AGBL4: variants seen among roughly 807,000 people sequenced by gnomAD.
The protein encoded by AGBL4 is cytosolic carboxypeptidase 6.
AGBL4 carries 58 observed loss-of-function variants against 66.4 expected under a neutral mutation model. The ratio of observed to expected loss-of-function variants is 0.87; its 90% CI spans 0.71 to 1.09. AGBL4 has a LOEUF of 1.09. AGBL4 is among the 50% of genes least tolerant of loss of function. AGBL4 has a pLI of 0.00. For synonymous variants in AGBL4, 234 were observed against 222.9 expected, an observed-to-expected ratio of 1.05 and a Z score of -0.44; for missense variants, 579 against 631.0, an observed-to-expected ratio of 0.92 and a Z score of 0.88.
At chr1:49,504,419 T>C (rs1648489097) in intron 3 of AGBL4, among the ~76,000 whole-genome samples, 1 of 152,138 alleles carries the variant, frequency 6.6e-6, no homozygotes, top group Non-Finnish European at 1.5e-5. Flanking sequence ...GTTTTCATAT[T>C]AATTTTTTCT....
At chr1:49,235,250 T>G (rs143640689) in intron 4 of AGBL4, among the ~76,000 whole-genome samples, 56 of 152,324 alleles carry the variant, frequency 3.7e-4, no homozygotes, top group African/African-American at 1.3e-3. Context: ...CTCACTCATG[T>G]TCTGGCCTGT....
intron 6 of AGBL4, among the ~76,000 whole-genome samples, chr1:48,679,425 T>C (rs190429371): frequency 0.013 from 1,966 of 152,284 alleles, 45 homozygotes; most frequent in African/African-American, 0.045. Flanking sequence ...CCTAGGACGA[T>C]GAAGCCTGCT....
intron 6 of AGBL4, among the ~76,000 whole-genome samples, chr1:48,860,496 C>T (rs1647374859): frequency 1.3e-5 from 2 of 152,068 alleles, no homozygotes; most frequent in African/African-American, 2.4e-5. Context: ...TAAAAGTACA[C>T]TACAGGAGAT....
intron 6 of AGBL4, among the ~76,000 whole-genome samples, chr1:48,697,424 A>G (rs1318019819): frequency 6.6e-6 from 1 of 152,196 alleles, no homozygotes; most frequent in South Asian, 2.1e-4. Flanking sequence ...CTTAATCTAG[A>G]TAACAATTCT....
At chr1:49,400,974 T>A (rs985604996) in intron 3 of AGBL4, among the ~76,000 whole-genome samples, 2 of 152,200 alleles carry the variant, frequency 1.3e-5, no homozygotes, top group African/African-American at 4.8e-5. Context: ...ACTATGTTGA[T>A]GTATGTTCCT....
intron 4 of AGBL4, among the ~76,000 whole-genome samples, chr1:49,213,088 A>G (rs572719375): frequency 4.6e-5 from 7 of 152,274 alleles, no homozygotes; most frequent in East Asian, 1.9e-4. Flanking sequence ...GGCTTTGTCT[A>G]TGCTGAACAC....
chr1:48,677,662 C>T (rs111941284), intron 6 of AGBL4, among the ~76,000 whole-genome samples: 8 of 152,280 alleles, frequency 5.3e-5, no homozygotes, highest in African/African-American at 1.9e-4. Context: ...ACTCCAAAAC[C>T]CTGCGCTCTT....
intron 2 of AGBL4, among the ~76,000 whole-genome samples, chr1:49,709,455 G>A (rs1369459902): frequency 6.6e-6 from 1 of 152,186 alleles, no homozygotes; most frequent in African/African-American, 2.4e-5. Flanking sequence ...TCTGTTGGCA[G>A]CGAGAATTTC....
At chr1:49,809,576 G>T (rs1385018357) in intron 2 of AGBL4, among the ~76,000 whole-genome samples, 1 of 152,090 alleles carries the variant, frequency 6.6e-6, no homozygotes, top group Non-Finnish European at 1.5e-5. Flanking sequence ...AAAACCAAAT[G>T]ATATCCTGCT....
At chr1:49,694,976 AAAGAAAC>A (rs1646957136) in intron 3 of AGBL4, among the ~76,000 whole-genome samples, 1 of 152,172 alleles carries the variant, frequency 6.6e-6, no homozygotes, top group African/African-American at 2.4e-5. Context: ...ACCCAAAGTT[AAAGAAAC>A]AGTATAATTT....
chr1:49,179,281 G>C (rs1047493236), intron 4 of AGBL4, among the ~76,000 whole-genome samples: 2 of 152,078 alleles, frequency 1.3e-5, no homozygotes, highest in Non-Finnish European at 2.9e-5. Context: ...TGGAGATAGT[G>C]AGAAATGTAC....
At chr1:49,548,359 G>C (rs1652676164) in intron 3 of AGBL4, among the ~76,000 whole-genome samples, 1 of 152,202 alleles carries the variant, frequency 6.6e-6, no homozygotes, top group African/African-American at 2.4e-5. Flanking sequence ...ATTTGTGAGA[G>C]TGGGCATCCT....
At chr1:49,100,816 TC>T (rs1235453202) in intron 4 of AGBL4, among the ~76,000 whole-genome samples, 1 of 152,184 alleles carries the variant, frequency 6.6e-6, no homozygotes, top group Non-Finnish European at 1.5e-5. Context: ...TATATTACGT[TC>T]CTACTCTGTG....
intron 5 of AGBL4, among the ~76,000 whole-genome samples, chr1:48,926,968 G>A (rs1468366395): frequency 1.3e-5 from 2 of 152,142 alleles, no homozygotes; most frequent in African/African-American, 4.8e-5. Context: ...AGTAATGGCT[G>A]AGAGAACTCT....
rs529073420 is a variant in AGBL4, at chr1:48,964,401, T to C, written c.594+81183A>G. The stretch of plus-strand genomic sequence containing the variant: ...CAGCTCAAAATCATAGTTATACCTT[T>C]AACAAACAGGCATAATATTTACTAC... On this transcript the variant is annotated intron_variant, in intron 5 of 13. Transcript: ENST00000371839. Among the ~76,000 whole-genome samples the C allele has an allele frequency of 2.6e-5, 4 of 152,328 alleles. No homozygotes were observed. In the East Asian group the frequency reaches 7.7e-4, roughly 29 times the overall value.
chr1:49,950,093 T>C (rs12748841), intron 1 of AGBL4, among the ~76,000 whole-genome samples: 26 of 141,122 alleles, frequency 1.8e-4, no homozygotes, highest in African/African-American at 2.6e-4. Context: ...TGTATATATA[T>C]ACACATATAT....
chr1:50,023,719 G>T (rs1662622074), intron 1 of AGBL4, 44 bp downstream of exon 1: 1 of 1,538,348 alleles, frequency 6.5e-7, no homozygotes, highest in East Asian at 2.5e-5. Flanking sequence ...ACCCAGGACA[G>T]CCTGGCCGCC....
At chr1:49,429,503 T>TGTCTGTGTGAGTG (rs1326195819) in intron 3 of AGBL4, among the ~76,000 whole-genome samples, 1 of 152,196 alleles carries the variant, frequency 6.6e-6, no homozygotes, top group Non-Finnish European at 1.5e-5. Context: ...AATACTAAAA[T>TGTCTGTGTGAGTG]CAGCTGCATA....
At chr1:49,354,316 T>G (rs1189256831) in intron 3 of AGBL4, among the ~76,000 whole-genome samples, 1 of 152,256 alleles carries the variant, frequency 6.6e-6, no homozygotes, top group East Asian at 1.9e-4. Flanking sequence ...AGTTTTCATC[T>G]TAATATTTAA....
Sources: allele counts gnomAD v4.1 joint callset (sites outside exome capture counted in the v4.1 genomes callset), GRCh38; gene constraint gnomAD v4.1.1; transcripts MANE v1.5; gene names NCBI Gene and HGNC (gene_info 2026-07-23, HGNC 2026-07-21).